The following MPPE1 variants were observed in gnomAD, a reference collection of about 807,000 sequenced individuals.
MPPE1 encodes the protein metallophosphoesterase 1, also known as metallo phosphoesterase.
In MPPE1, 28 loss-of-function variants were observed where a neutral mutation model predicts 43.8. That is an observed-to-expected ratio of 0.64 (90% CI 0.47 to 0.88). MPPE1 has a LOEUF of 0.88. MPPE1 is among the 40% of genes least tolerant of loss of function. MPPE1 has a pLI of 0.00. For synonymous variants in MPPE1, 159 were observed against 188.5 expected (o/e 0.84, Z 1.28); for missense variants, 428 against 492.2 (o/e 0.87, Z 1.23).
intron 4 of MPPE1, among the ~76,000 whole-genome samples, 155 bp from the exon 5 acceptor site, chr18:11,889,645 CT>C (rs1204086287): frequency 6.6e-6 from 1 of 152,186 alleles, no homozygotes; most frequent in African/African-American, 2.4e-5. Flanking sequence ...TCACTGCAAC[CT>C]CCATCTCCCA....
Position 11,884,527 on chromosome 18 carries a change from A to T in MPPE1, c.1109T>A (p.Val370Asp). The change falls in exon 11 of 11, where the codon GTC (valine) becomes GAC (aspartate). Residue 370 changes from valine (V) to aspartate (D), a missense_variant. This residue lies in a region of MPPE1 where 379 missense variants were observed against 402.5 expected (regional missense o/e 0.94). Coordinates refer to ENST00000588072, the MANE Select transcript of MPPE1 (RefSeq NM_023075.6). ...IYCGVVGFLV[V>D]LTLTHFGLLA... The stretch of plus-strand genomic sequence containing the variant: ...AAGCCCAAAGTGAGTGAGTGTGAGG[A>T]CCACAAGGAAGCCCACCACTCCACA... 1 of 1,614,144 alleles carries T rather than the reference A, an allele frequency of 6.2e-7. No homozygotes were observed. Among genetic ancestry groups the T allele is most frequent in the Non-Finnish European group, 8.5e-7 (1 of 1,180,020 alleles).
rs77887627 is a variant in MPPE1 at position 11,890,705 on chromosome 18, C to T, written c.391-1215G>A. Among the ~76,000 whole-genome samples, 109 of 152,282 alleles carry T rather than the reference C, an allele frequency of 7.2e-4. No homozygotes were observed. The East Asian group carries it at 0.015, about 21-fold the overall frequency. On this transcript the variant is annotated intron_variant, in intron 4 of 10. Transcript: ENST00000588072. ...GTTCATACACCTATTATTTCAAGAT[C>T]CCCTGAAGACCATTCATAGACCCTG...
At chr18:11,897,759 G>A (rs1014525403) in intron 2 of MPPE1, 1 of 154,044 alleles carries the variant, frequency 6.5e-6, no homozygotes, top group African/African-American at 2.4e-5. Flanking sequence ...AAAATCAACA[G>A]GTCACAAGCC....
At chr18:11,890,092 G>A (rs192429940) in intron 4 of MPPE1, among the ~76,000 whole-genome samples, 279 of 151,080 alleles carry the variant, frequency 1.8e-3, no homozygotes, top group African/African-American at 5.9e-3. Flanking sequence ...ACAGGCGCCC[G>A]CCACCACGCC....
intron 1 of MPPE1, among the ~76,000 whole-genome samples, chr18:11,907,522 T>C (rs2039831221): frequency 8.9e-6 from 1 of 112,092 alleles, no homozygotes; most frequent in Non-Finnish European, 1.8e-5. Flanking sequence ...AAATATTTTA[T>C]AGAGTTTTGA....
intron 2 of MPPE1, chr18:11,905,426 A>G (rs1042051259): frequency 2.0e-5 from 3 of 152,308 alleles, no homozygotes; most frequent in African/African-American, 4.8e-5. Context: ...GTTGTCTTCA[A>G]TGTTATGGCC....
At chr18:11,907,928 A>G (rs749963757) in intron 1 of MPPE1, 1 of 152,150 alleles carries the variant, frequency 6.6e-6, no homozygotes, top group Non-Finnish European at 1.5e-5. Flanking sequence ...TATCTTAAAT[A>G]TATTAATTGC....
At position 11,888,755 on chromosome 18, in the gene MPPE1, T is replaced by A. The variant is rs2037628036; in HGVS notation, c.495-12A>T. 2.0e-6 allele frequency: 3 copies of A among 1,535,388 alleles called. No individual in the cohort carries two copies. Among genetic ancestry groups the A allele is most frequent in the Non-Finnish European group, 2.6e-6 (3 of 1,135,392 alleles). ...TGTATGTGTTCATCCTATATTCAATTGTGAGAAGAAACATTTTTCAGGACA... is the reference window on the plus strand; with the variant it reads ...TGTATGTGTTCATCCTATATTCAATAGTGAGAAGAAACATTTTTCAGGACA... On this transcript the variant is annotated splice_polypyrimidine_tract_variant and intron_variant, in intron 5 of 10. Transcript: ENST00000588072.
intron 2 of MPPE1, among the ~76,000 whole-genome samples, chr18:11,904,170 GGAGAGAAGAGCAGA>G (rs1567978247): frequency 1.9e-5 from 2 of 104,786 alleles, no homozygotes; most frequent in Non-Finnish European, 4.2e-5. Context: ...CAGTAGAAAA[GGAGAGAAGAGCAGA>G]AGGGGATGGG....
Position 11,884,579 on chromosome 18 carries a change from G to T in MPPE1, c.1057C>A (p.Arg353Ser), listed in dbSNP as rs144278251. 1.2e-6 allele frequency: 2 copies of T among 1,613,944 alleles called. No individual in the cohort carries two copies. Among genetic ancestry groups the T allele is most frequent in the Non-Finnish European group, 8.5e-7 (1 of 1,180,030 alleles). ...DYTLSKCYLP[R>S]EDVVLIIYCG... ...TAGATGATCAAAACCACATCCTCACGTGGGAGGTAGCACTTGGAGAGGGTG... is the reference window on the plus strand; with the variant it reads ...TAGATGATCAAAACCACATCCTCACTTGGGAGGTAGCACTTGGAGAGGGTG... The change falls in exon 11 of 11, where the codon CGT becomes AGT. Residue 353 changes from arginine (R) to serine (S), a missense_variant. By Grantham distance (110) the Arg-to-Ser change is moderately radical (BLOSUM62 -1). Transcript: ENST00000588072.
chr18:11,901,671 T>C (rs2039221062), intron 2 of MPPE1, among the ~76,000 whole-genome samples: 1 of 151,932 alleles, frequency 6.6e-6, no homozygotes, highest in African/African-American at 2.4e-5. Flanking sequence ...TGAAACCTCA[T>C]CTCCACTAAA....
chr18:11,894,530 G>GA (rs1334503904), intron 3 of MPPE1, among the ~76,000 whole-genome samples: 2 of 150,838 alleles, frequency 1.3e-5, no homozygotes, highest in East Asian at 3.9e-4. Context: ...GTGAGGCTTT[G>GA]AAAAAATTGC....
At chr18:11,896,937 C>A (rs145902967) in intron 3 of MPPE1, 47 bp downstream of exon 3, 1 of 1,556,104 alleles carries the variant, frequency 6.4e-7, no homozygotes, top group East Asian at 2.3e-5. Flanking sequence ...AGGGCTATAC[C>A]GTTTTGCCTA....
rs1244794288 is a variant in MPPE1, at chr18:11,883,363, C to CTGT, written c.*1079_*1081dup. Reference sequence around the variant, plus strand: ...ACCCCCAGCAAGAAAGGGAAGTATGCTGTTGTATGCATCATTACTCAACAA... The same window carrying CTGT: ...ACCCCCAGCAAGAAAGGGAAGTATGCTGTTGTTGTATGCATCATTACTCAACAA... On this transcript the variant is annotated 3_prime_UTR_variant, in exon 11 of 11. Transcript: ENST00000588072. 4 of 153,196 alleles carry CTGT rather than the reference C, an allele frequency of 2.6e-5. No individual in the cohort carries two copies. Among genetic ancestry groups the CTGT allele is most frequent in the Non-Finnish European group, 5.9e-5 (4 of 68,038 alleles). 9.5% of individuals were successfully genotyped at this position (153,196 alleles called of 1,614,324 possible).
At chr18:11,885,199 A>T (rs2037008284) in intron 10 of MPPE1, 1 of 452,820 alleles carries the variant, frequency 2.2e-6, no homozygotes, top group Admixed American at 4.8e-5. Flanking sequence ...TCGTACCAGC[A>T]TCATGAGCTG....
chr18:11,905,803 G>C (rs1283778829), intron 2 of MPPE1: 2 of 152,232 alleles, frequency 1.3e-5, no homozygotes. Context: ...TCCTTGGTGA[G>C]TATTTTATCT....
At position 11,886,515 on chromosome 18, in the gene MPPE1, C is replaced by A; in HGVS notation, c.851G>T (p.Arg284Leu). The A allele has an allele frequency of 6.2e-7, 1 of 1,614,160 alleles. No homozygotes were observed. Residue 284 changes from arginine to leucine, a missense_variant, in exon 9 of 11, where the codon CGG becomes CTG. Arg to Leu is a moderately radical substitution (Grantham distance 102, BLOSUM62 -2). Coordinates refer to ENST00000588072, the MANE Select transcript of MPPE1 (RefSeq NM_023075.6). This position sits in a 1 kb window ranked among gnomAD's most constrained non-coding sequence, Gnocchi z 4.1. Reference sequence around the variant, plus strand: ...CTGGCAAACCTTTTGTGATGCCTCCCGTGAAAGCACGTCATAGTTCTCCTT... The same window carrying A: ...CTGGCAAACCTTTTGTGATGCCTCCAGTGAAAGCACGTCATAGTTCTCCTT... ...PFKENYDVLSREASQKLLWWL... is the reference protein window; with the variant it reads ...PFKENYDVLSLEASQKLLWWL...
intron 3 of MPPE1, among the ~76,000 whole-genome samples, chr18:11,896,064 A>G (rs1356432991): frequency 6.9e-6 from 1 of 144,078 alleles, no homozygotes; most frequent in Non-Finnish European, 1.5e-5. Context: ...AAAAAGGTAT[A>G]GCTGCTCTTT....
chr18:11,896,254 A>G (rs1400420847), intron 3 of MPPE1, among the ~76,000 whole-genome samples: 1 of 151,898 alleles, frequency 6.6e-6, no homozygotes, highest in Non-Finnish European at 1.5e-5. Context: ...GGCGCCCGCC[A>G]TCATGCTCAG....
Sources: gnomAD v4.1 joint callset for allele counts (sites outside exome capture counted in the v4.1 genomes callset) on GRCh38, gnomAD v4.1.1 for gene constraint, gnomAD v4.1.1 regional missense constraint, Gnocchi (gnomAD v3.1) non-coding constraint, MANE v1.5 for transcripts, NCBI Gene and HGNC (gene_info 2026-07-23, HGNC 2026-07-21) for gene names.